The following PCDH15 variants were observed in gnomAD, a reference collection of about 807,000 sequenced individuals.
The protein encoded by PCDH15 is protocadherin related 15.
PCDH15 carries 129 observed loss-of-function variants against 178.5 expected under a neutral mutation model. The ratio of observed to expected loss-of-function variants is 0.72; its 90% CI spans 0.63 to 0.84. The LOEUF is 0.84. Among genes scored for constraint, PCDH15 ranks in the 40% least tolerant of loss-of-function variants. PCDH15 has a pLI of 0.00. For missense variants in PCDH15, 2,230 were observed against 2,099.9 expected (o/e 1.06, Z -1.21); for synonymous variants, 800 against 732.0 (o/e 1.09, Z -1.50).
chr10:54,847,004 G>A (rs1044296049), intron 3 of PCDH15, among the ~76,000 whole-genome samples: 8 of 152,148 alleles, frequency 5.3e-5, no homozygotes, highest in Non-Finnish European at 1.2e-4. Context: ...CTGTTGGAAA[G>A]ATAATTTTGT....
intron 2 of PCDH15, among the ~76,000 whole-genome samples, chr10:55,584,983 C>A (rs1032646381): frequency 2.0e-5 from 3 of 149,970 alleles, no homozygotes. Flanking sequence ...TTAAGTAAAC[C>A]CTTCTTGCTC....
upstream of PCDH15, among the ~76,000 whole-genome samples, chr10:54,804,030 T>A (rs1242823501): frequency 6.6e-6 from 1 of 152,050 alleles, no homozygotes; most frequent in Non-Finnish European, 1.5e-5. Context: ...CAAAATAAGC[T>A]GTCAAAAAAA....
At chr10:55,294,041 A>G (rs116293220) in intron 1 of PCDH15, among the ~76,000 whole-genome samples, 6,059 of 152,266 alleles carry the variant, frequency 0.04, 163 homozygotes, top group East Asian at 0.092. Flanking sequence ...TAATGGACTT[A>G]ACAGTTCCAC....
At chr10:54,158,412 T>A (rs920782115) in intron 13 of PCDH15, among the ~76,000 whole-genome samples, 3 of 152,162 alleles carry the variant, frequency 2.0e-5, no homozygotes, top group Admixed American at 2.0e-4. Context: ...GGGAAAATCT[T>A]GCCCCCATGA....
At chr10:53,853,195 G>GA (rs2078501780) in intron 28 of PCDH15, among the ~76,000 whole-genome samples, 1 of 150,240 alleles carries the variant, frequency 6.7e-6, no homozygotes, top group South Asian at 2.1e-4. Flanking sequence ...AACTAGTATT[G>GA]AAAAAATGGA....
rs555607558 is a variant in PCDH15, at chr10:55,251,020, G to T, written c.-156+68579C>A. 8.2e-4 allele frequency among the ~76,000 whole-genome samples: 124 copies of T among 152,064 alleles called. 1 individual carries two copies. The highest frequency in any genetic ancestry group is 2.2e-3 in the Admixed American group (33 of 15,260). On this transcript the variant is annotated intron_variant, in intron 1 of 5. Transcript: ENST00000458638. ...GGAGACAACTGACAATTCACATGCA[G>T]TTGTAGGAAAAAAATACACAAAGAT...
At chr10:53,843,688 C>T (rs571540017) in intron 28 of PCDH15, among the ~76,000 whole-genome samples, 6 of 151,768 alleles carry the variant, frequency 4.0e-5, no homozygotes, top group Non-Finnish European at 7.4e-5. Flanking sequence ...TCCCCAACTT[C>T]GTGATAAAAA....
At position 55,287,198 on chromosome 10, in the gene PCDH15, T is replaced by C. The variant is rs1049681241; in HGVS notation, c.-156+32401A>G. 2.0e-5 allele frequency among the ~76,000 whole-genome samples: 3 copies of C among 152,136 alleles called. No individual in the cohort carries two copies. In the East Asian group the frequency reaches 5.8e-4, roughly 29 times the overall value. ...GAGAAGAAGGTTCTACTCAAAAGTC[T>C]GTCTCAAGTTGAAGATGCAATGAGT... On this transcript the variant is annotated intron_variant, in intron 1 of 5. Transcript: ENST00000458638.
chr10:54,709,120 G>T (rs965187941), intron 1 of PCDH15, among the ~76,000 whole-genome samples: 25 of 152,018 alleles, frequency 1.6e-4, no homozygotes, highest in Non-Finnish European at 1.0e-4. Context: ...CAAAGAAAAA[G>T]AAGAGAAAAC....
At chr10:54,333,424 A>T (rs1029629945) in intron 6 of PCDH15, among the ~76,000 whole-genome samples, 1 of 152,140 alleles carries the variant, frequency 6.6e-6, no homozygotes, top group Non-Finnish European at 1.5e-5. Flanking sequence ...TAATCAAGAA[A>T]ATTAGAAGCA....
chr10:54,699,115 T>C (rs1238875251), intron 1 of PCDH15, among the ~76,000 whole-genome samples: 1 of 152,136 alleles, frequency 6.6e-6, no homozygotes, highest in Non-Finnish European at 1.5e-5. Flanking sequence ...TCTGAAATCA[T>C]AATGGCATTC....
intron 1 of PCDH15, among the ~76,000 whole-genome samples, chr10:54,794,696 T>C (rs1334874254): frequency 1.3e-5 from 2 of 151,854 alleles, no homozygotes; most frequent in African/African-American, 4.8e-5. Flanking sequence ...ATGGATGGCA[T>C]ATTTAAAATC....
chr10:55,366,683 CAAAAT>C (rs1254914417), intron 2 of PCDH15, among the ~76,000 whole-genome samples: 4 of 152,094 alleles, frequency 2.6e-5, no homozygotes, highest in African/African-American at 9.7e-5. Context: ...TAAGTTCTGA[CAAAAT>C]AATCCTTAGC....
At chr10:55,329,566 T>A (rs990052827) in intron 2 of PCDH15, among the ~76,000 whole-genome samples, 7 of 151,650 alleles carry the variant, frequency 4.6e-5, no homozygotes, top group Non-Finnish European at 1.0e-4. Flanking sequence ...CTAAGAAAAT[T>A]ATAGTTTGTT....
Position 54,534,138 on chromosome 10 carries a change from T to A in PCDH15, c.92-6261A>T, listed in dbSNP as rs563276705. Among the ~76,000 whole-genome samples, 4 of 152,284 alleles carry A rather than the reference T, an allele frequency of 2.6e-5. No individual in the cohort carries two copies. In the South Asian group the frequency reaches 6.2e-4, roughly 24 times the overall value. Reference sequence around the variant, plus strand: ...AGGCCTACATTTGCTTTTATTAGTATCCTTATTTTCATTAGGAATATATTC... The same window carrying A: ...AGGCCTACATTTGCTTTTATTAGTAACCTTATTTTCATTAGGAATATATTC... On this transcript the variant is annotated intron_variant, in intron 2 of 37. Coordinates refer to ENST00000644397, the MANE Select transcript of PCDH15 (RefSeq NM_001384140.1).
intron 2 of PCDH15, among the ~76,000 whole-genome samples, chr10:54,614,895 A>T (rs1311617507): frequency 6.6e-6 from 1 of 152,056 alleles, no homozygotes; most frequent in Non-Finnish European, 1.5e-5. Flanking sequence ...ATCAGATGAG[A>T]TATAAGGCAG....
In PCDH15 at chr10:55,526,846, C is replaced by G. The variant is rs79660243; in HGVS notation, c.-156+100779G>C. On this transcript the variant is annotated intron_variant, in intron 2 of 5. Coordinates refer to the PCDH15 transcript ENST00000613346. ...AGAGTAGGTATTAGGTCACAAAAGC[C>G]ATATCATTCAAATGAATTAGACATT... is the stretch of plus-strand genomic sequence containing the variant. 2.8e-3 allele frequency among the ~76,000 whole-genome samples: 427 copies of G among 152,098 alleles called. 4 individuals carry two copies. The highest frequency in any genetic ancestry group is 9.6e-3 in the African/African-American group (397 of 41,502).
At chr10:55,328,933 T>C (rs894909518) in intron 2 of PCDH15, among the ~76,000 whole-genome samples, 1 of 134,142 alleles carries the variant, frequency 7.5e-6, no homozygotes, top group African/African-American at 2.9e-5. Context: ...TATATATATA[T>C]ATATATATAT....
At chr10:55,280,697 T>C (rs570170380) in intron 1 of PCDH15, among the ~76,000 whole-genome samples, 63 of 152,232 alleles carry the variant, frequency 4.1e-4, no homozygotes, top group African/African-American at 1.5e-3. Flanking sequence ...ATATACTTTC[T>C]ATGTAGATAG....
Sources: allele counts gnomAD v4.1 joint callset (sites outside exome capture counted in the v4.1 genomes callset), GRCh38; gene constraint gnomAD v4.1.1; transcripts MANE v1.5; gene names NCBI Gene and HGNC (gene_info 2026-07-23, HGNC 2026-07-21).